Variants in SPNS2 observed in about 807,000 individuals in gnomAD.
The protein encoded by SPNS2 is sphingosine-1-phosphate transporter SPNS2.
In SPNS2, 37 loss-of-function variants were observed where a neutral mutation model predicts 57.6. The ratio of observed to expected loss-of-function variants is 0.64; its 90% CI spans 0.49 to 0.85. The LOEUF (loss-of-function observed/expected upper bound fraction) is 0.85. Among genes scored for constraint, SPNS2 ranks in the 40% least tolerant of loss-of-function variants. SPNS2 has a pLI of 0.00. For missense variants in SPNS2, 831 were observed against 779.1 expected (o/e 1.07, Z -0.79); for synonymous variants, 440 against 346.9 (o/e 1.27, Z -2.98).
intron 1 of SPNS2, among the ~76,000 whole-genome samples, chr17:4,503,827 C>T (rs1174631772): frequency 6.6e-6 from 1 of 152,162 alleles, no homozygotes; most frequent in Non-Finnish European, 1.5e-5. Flanking sequence ...GACTGGTATC[C>T]ATGGCAACTG....
intron 1 of SPNS2, among the ~76,000 whole-genome samples, chr17:4,503,058 T>C (rs1449498585): frequency 1.3e-5 from 2 of 152,198 alleles, no homozygotes; most frequent in African/African-American, 4.8e-5. Context: ...TTGGATGAAA[T>C]TGAGGTAGCC....
rs1243782946 is a variant in SPNS2 at position 4,515,846 on chromosome 17, T to G, written c.436+2534T>G. On this transcript the variant is annotated intron_variant, in intron 2 of 12. Transcript: ENST00000329078. ...GACAGGGAGTGGGGGTGGCTGAGGG[T>G]TAGGCCTGGGCTTGCCCCTGCTGTT... Among the ~76,000 whole-genome samples, 3 of 152,176 alleles carry G rather than the reference T, an allele frequency of 2.0e-5. No homozygotes were observed. The East Asian group carries it at 5.8e-4, about 29-fold the overall frequency.
chr17:4,533,914 G>A (rs1029090083), intron 9 of SPNS2, 61 bp downstream of exon 9: 10 of 1,505,204 alleles, frequency 6.6e-6, no homozygotes, highest in African/African-American at 1.4e-5. Flanking sequence ...ACCTCACAGG[G>A]GTGCCTGGGG....
chr17:4,521,696 A>G (rs1905141851), intron 2 of SPNS2, among the ~76,000 whole-genome samples: 1 of 152,270 alleles, frequency 6.6e-6, no homozygotes, highest in South Asian at 2.1e-4. Flanking sequence ...ATTAGAAACA[A>G]GGTAATAACT....
At position 4,536,891 on chromosome 17, in the gene SPNS2, C is replaced by A. The variant is rs1224345555; in HGVS notation, c.1608-9C>A. On this transcript the variant is annotated splice_polypyrimidine_tract_variant and intron_variant, in intron 11 of 12. Transcript: ENST00000329078. ...GCACCACCCTGACCCCCGCCCGTCT[C>A]TCCCCCAGGGTGAACCAGCTGGCGA... 3 of 1,613,196 alleles carry A rather than the reference C, an allele frequency of 1.9e-6. No homozygotes were observed. Among genetic ancestry groups the A allele is most frequent in the Non-Finnish European group, 2.5e-6 (3 of 1,179,762 alleles).
chr17:4,508,777 C>T (rs552413575), intron 1 of SPNS2, among the ~76,000 whole-genome samples: 1 of 152,250 alleles, frequency 6.6e-6, no homozygotes, highest in East Asian at 1.9e-4. Flanking sequence ...GTTATTGGTA[C>T]CATTACTGAG....
At chr17:4,502,114 G>A (rs754455761) in intron 1 of SPNS2, among the ~76,000 whole-genome samples, 9 of 152,086 alleles carry the variant, frequency 5.9e-5, no homozygotes, top group Admixed American at 2.0e-4. Context: ...GGTGGCTCAC[G>A]CCTGTAAACC....
intron 5 of SPNS2, among the ~76,000 whole-genome samples, chr17:4,532,118 C>G (rs1331915642): frequency 6.6e-6 from 1 of 151,948 alleles, no homozygotes; most frequent in East Asian, 1.9e-4. Flanking sequence ...CATCCACCAT[C>G]CGTCCGTCTA....
intron 2 of SPNS2, among the ~76,000 whole-genome samples, chr17:4,517,999 C>A (rs184591026): frequency 3.7e-4 from 56 of 152,282 alleles, no homozygotes; most frequent in Admixed American, 1.8e-3. Flanking sequence ...AGCGTCAATG[C>A]AACACAGGGA....
intron 1 of SPNS2, among the ~76,000 whole-genome samples, chr17:4,502,902 T>C (rs987194819): frequency 5.3e-5 from 8 of 152,176 alleles, no homozygotes; most frequent in African/African-American, 1.9e-4. Flanking sequence ...GGAACTCTAG[T>C]AGCTTCTGCC....
At chr17:4,531,140 C>T (rs1487109943) in intron 5 of SPNS2, 21 bp downstream of exon 5, 1 of 1,612,702 alleles carries the variant, frequency 6.2e-7, no homozygotes, top group Non-Finnish European at 8.5e-7. Flanking sequence ...CGTCCCTTCC[C>T]ATGAGGACAC....
rs1905362422 is a variant in SPNS2 at position 4,529,388 on chromosome 17, G to A, written c.574-1244G>A. 2.0e-5 allele frequency among the ~76,000 whole-genome samples: 3 copies of A among 151,892 alleles called. No homozygotes were observed. The South Asian group carries it at 6.3e-4, about 32-fold the overall frequency. On this transcript the variant is annotated intron_variant, in intron 3 of 12. Transcript: ENST00000329078. ...AGCCCCCATGCCCAGCCTCATGTTTGTTCTTTAAAAGCACACAGGGGGCCG... is the reference window on the plus strand; with the variant it reads ...AGCCCCCATGCCCAGCCTCATGTTTATTCTTTAAAAGCACACAGGGGGCCG...
At position 4,538,696 on chromosome 17, in the gene SPNS2, C is replaced by A; in HGVS notation, c.*1248C>A. On this transcript the variant is annotated 3_prime_UTR_variant, in exon 13 of 13. Coordinates refer to ENST00000329078, the MANE Select transcript of SPNS2 (RefSeq NM_001124758.3). ...CCCAAGAGCCAGCTTGGACAATGCT[C>A]TTCTTGCCCCTTAGTTACTGGCTGG... is the stretch of plus-strand genomic sequence containing the variant. 1 of 595,942 alleles carries A rather than the reference C, an allele frequency of 1.7e-6. No homozygotes were observed. The highest frequency in any genetic ancestry group is 1.9e-5 in the South Asian group (1 of 52,350). 36.9% of individuals were successfully genotyped at this position (595,942 alleles called of 1,614,324 possible).
In SPNS2 at chr17:4,512,729, GGTGT is replaced by G. The variant is rs918799117; in HGVS notation, c.371-510_371-507del. On this transcript the variant is annotated intron_variant, in intron 1 of 12. Coordinates refer to ENST00000329078, the MANE Select transcript of SPNS2 (RefSeq NM_001124758.3). The surrounding 1 kb of genome is among the most constrained non-coding windows in gnomAD (Gnocchi z 5.2). ...GTGCACACACGTGCGTGCGTGTGCA[GGTGT>G]GTGTGTGCATGTACAGGTGTGTGCG... is the stretch of plus-strand genomic sequence containing the variant. Among the ~76,000 whole-genome samples, 4 of 151,188 alleles carry G rather than the reference GGTGT, an allele frequency of 2.6e-5. No homozygotes were observed. Among genetic ancestry groups the G allele is most frequent in the African/African-American group, 7.4e-5 (3 of 40,694 alleles).
At chr17:4,536,505 G>C in intron 11 of SPNS2, 79 bp downstream of exon 11, 9 of 1,498,060 alleles carry the variant, frequency 6.0e-6, no homozygotes, top group Non-Finnish European at 8.1e-6. Context: ...CCTGCCCTGG[G>C]GTGGGGCGGG....
chr17:4,518,381 G>A (rs1452785111), intron 2 of SPNS2, among the ~76,000 whole-genome samples: 2 of 152,206 alleles, frequency 1.3e-5, no homozygotes, highest in African/African-American at 4.8e-5. Context: ...AAAATTAGCC[G>A]GGTGTGGTGG....
At chr17:4,521,921 G>A (rs118107953) in intron 2 of SPNS2, among the ~76,000 whole-genome samples, 4,512 of 152,318 alleles carry the variant, frequency 0.03, 90 homozygotes, top group Middle Eastern at 0.048. Flanking sequence ...AAACACGGCC[G>A]GGCACGGTGG....
At chr17:4,529,096 C>T (rs1388813699) in intron 3 of SPNS2, among the ~76,000 whole-genome samples, 2 of 151,858 alleles carry the variant, frequency 1.3e-5, no homozygotes, top group South Asian at 2.1e-4. Flanking sequence ...CCAACACACC[C>T]GGCTAATTTT....
chr17:4,536,816 C>A, intron 11 of SPNS2, 84 bp from the exon 12 acceptor site: 1 of 1,165,670 alleles, frequency 8.6e-7, no homozygotes, highest in Non-Finnish European at 1.3e-6. Flanking sequence ...GTCAGCTGGC[C>A]CCCACGACAC....
Sources: allele counts gnomAD v4.1 joint callset (sites outside exome capture counted in the v4.1 genomes callset), GRCh38; gene constraint gnomAD v4.1.1; non-coding constraint Gnocchi (gnomAD v3.1); transcripts MANE v1.5; gene names NCBI Gene and HGNC (gene_info 2026-07-23, HGNC 2026-07-21).